The following KCNQ3 variants were observed in gnomAD, a reference collection of about 807,000 sequenced individuals.
KCNQ3 encodes potassium voltage-gated channel subfamily Q member 3.
In KCNQ3, 30 loss-of-function variants were observed where a neutral mutation model predicts 92.5. The ratio of observed to expected loss-of-function variants is 0.32; its 90% CI spans 0.24 to 0.44. KCNQ3 has a LOEUF of 0.44. KCNQ3 is among the 20% of genes least tolerant of loss of function. KCNQ3 has a pLI of 1.00. For synonymous variants in KCNQ3, 450 were observed against 468.8 expected, an observed-to-expected ratio of 0.96 and a Z score of 0.52; for missense variants, 913 against 1,140.3, an observed-to-expected ratio of 0.80 and a Z score of 2.87.
chr8:132,341,158 T>C (rs141991707), intron 1 of KCNQ3, among the ~76,000 whole-genome samples: 3,619 of 152,302 alleles, frequency 0.024, 57 homozygotes, highest in African/African-American at 0.039. Context: ...CAGAAAACTA[T>C]GCCAGCCAGA....
intron 3 of KCNQ3, among the ~76,000 whole-genome samples, chr8:132,184,033 A>C (rs1264250967): frequency 6.6e-6 from 1 of 152,184 alleles, no homozygotes; most frequent in Non-Finnish European, 1.5e-5. Flanking sequence ...TGTCCTGTGC[A>C]GTCCTTATAA....
rs115774728 is a variant in KCNQ3, at chr8:132,386,975, T to C, written c.386+93172A>G. 3.5e-3 allele frequency among the ~76,000 whole-genome samples: 539 copies of C among 152,310 alleles called. 2 individuals carry two copies. The highest frequency in any genetic ancestry group is 0.012 in the African/African-American group (514 of 41,588). On this transcript the variant is annotated intron_variant, in intron 1 of 14. Transcript: ENST00000388996. Reference sequence around the variant, plus strand: ...AAAATGTTTGTGGTGATGGATATGCTAGTTACTCTGATTTGATCATTACAG... The same window carrying C: ...AAAATGTTTGTGGTGATGGATATGCCAGTTACTCTGATTTGATCATTACAG...
chr8:132,450,191 TC>T (rs1821789125), intron 1 of KCNQ3, among the ~76,000 whole-genome samples: 1 of 152,154 alleles, frequency 6.6e-6, no homozygotes, highest in African/African-American at 2.4e-5. Context: ...CAGCTTTTAT[TC>T]CCTTATTTGT....
At position 132,334,339 on chromosome 8, in the gene KCNQ3, G is replaced by A. The variant is rs139699135; in HGVS notation, c.386+145808C>T. Among the ~76,000 whole-genome samples, 983 of 152,024 alleles carry A rather than the reference G, an allele frequency of 6.5e-3. 2 individuals are homozygous for A. Among genetic ancestry groups the A allele is most frequent in the Non-Finnish European group, 0.011 (758 of 67,970 alleles). On this transcript the variant is annotated intron_variant, in intron 1 of 14. Coordinates refer to ENST00000388996, the MANE Select transcript of KCNQ3 (RefSeq NM_004519.4). ...AATACAAAAATTAGCCAGGTGTGGT[G>A]GCATACACCTGTAATCCCAGCTACT...
chr8:132,282,448 A>G (rs1261299560), intron 1 of KCNQ3, among the ~76,000 whole-genome samples: 2 of 151,988 alleles, frequency 1.3e-5, no homozygotes, highest in African/African-American at 4.8e-5. Flanking sequence ...GTTTTGGGAG[A>G]CTGAACACAA....
At chr8:132,291,229 C>G (rs1337958432) in intron 1 of KCNQ3, among the ~76,000 whole-genome samples, 1 of 152,176 alleles carries the variant, frequency 6.6e-6, no homozygotes, top group African/African-American at 2.4e-5. Flanking sequence ...AGTGGCTGAA[C>G]AATAAATGTT....
intron 1 of KCNQ3, among the ~76,000 whole-genome samples, chr8:132,328,353 G>A: frequency 6.6e-6 from 1 of 152,128 alleles, no homozygotes. Context: ...CAAATCGACT[G>A]AGGCTATATA....
At chr8:132,353,625 C>A (rs1324958015) in intron 1 of KCNQ3, among the ~76,000 whole-genome samples, 1 of 152,070 alleles carries the variant, frequency 6.6e-6, no homozygotes, top group African/African-American at 2.4e-5. Context: ...ACCAGCCTGG[C>A]CAACATAGTG....
At chr8:132,443,939 A>G (rs909858819) in intron 1 of KCNQ3, among the ~76,000 whole-genome samples, 2 of 152,164 alleles carry the variant, frequency 1.3e-5, no homozygotes, top group Non-Finnish European at 2.9e-5. Flanking sequence ...ATAAATAATA[A>G]GTGATTTAAT....
chr8:132,364,624 G>C (rs1208907530), intron 1 of KCNQ3, among the ~76,000 whole-genome samples: 1 of 152,110 alleles, frequency 6.6e-6, no homozygotes, highest in Non-Finnish European at 1.5e-5. Context: ...CTAACATATA[G>C]TAGGCAATTT....
In KCNQ3 at chr8:132,129,591, C is replaced by T. The variant is rs1165980000; in HGVS notation, c.2290G>A (p.Ala764Thr). ...TCCGAGTAGGGGCCCTGCAGGTCAG[C>T]CTGGGAGTGGCAGCTCACTCGGGAG... ...LDSRVSCHSQ[A>T]DLQGPYSDRI... The change falls in exon 15 of 15, where the codon GCT becomes ACT. Residue 764 changes from alanine to threonine, a missense_variant. Physicochemically the swap from Ala to Thr is moderately conservative, Grantham distance 58. This residue lies in a region of KCNQ3 where 375 missense variants were observed against 376.4 expected (regional missense o/e 1.00). Coordinates refer to ENST00000388996, the MANE Select transcript of KCNQ3 (RefSeq NM_004519.4). This position sits in a 1 kb window ranked among gnomAD's most constrained non-coding sequence, Gnocchi z 5.9. The T allele has an allele frequency of 4.3e-6, 7 of 1,614,182 alleles. No individual in the cohort carries two copies. In the South Asian group the frequency reaches 6.6e-5, roughly 15 times the overall value.
intron 1 of KCNQ3, among the ~76,000 whole-genome samples, chr8:132,424,732 C>G (rs930525968): frequency 6.6e-6 from 1 of 152,198 alleles, no homozygotes; most frequent in Non-Finnish European, 1.5e-5. Flanking sequence ...TAGAGGAGAG[C>G]CCTTTCTTGC....
chr8:132,338,569 T>G (rs912767294), intron 1 of KCNQ3, among the ~76,000 whole-genome samples: 7 of 152,150 alleles, frequency 4.6e-5, no homozygotes, highest in Non-Finnish European at 7.3e-5. Flanking sequence ...TGATCATGGC[T>G]CTTTGGAAGC....
At chr8:132,269,644 T>G (rs1199030431) in intron 1 of KCNQ3, among the ~76,000 whole-genome samples, 1 of 152,180 alleles carries the variant, frequency 6.6e-6, no homozygotes, top group Non-Finnish European at 1.5e-5. Flanking sequence ...CCAATTAGAC[T>G]TCATATCAGA....
chr8:132,418,980 C>T (rs1393890966), intron 1 of KCNQ3, among the ~76,000 whole-genome samples: 2 of 152,072 alleles, frequency 1.3e-5, no homozygotes, highest in East Asian at 3.9e-4. Flanking sequence ...TCAGTTTTCT[C>T]ATCTGTAAAA....
At chr8:132,437,114 C>T (rs920011815) in intron 1 of KCNQ3, among the ~76,000 whole-genome samples, 2 of 151,504 alleles carry the variant, frequency 1.3e-5, no homozygotes, top group Non-Finnish European at 2.9e-5. Context: ...CCCGTCTCTA[C>T]TAAAAATACA....
At chr8:132,218,199 G>A (rs961822480) in intron 1 of KCNQ3, among the ~76,000 whole-genome samples, 4 of 152,174 alleles carry the variant, frequency 2.6e-5, no homozygotes, top group Non-Finnish European at 5.9e-5. Context: ...GCAACCCACA[G>A]GGGAGGACAT....
intron 1 of KCNQ3, among the ~76,000 whole-genome samples, chr8:132,418,186 A>C (rs1037462085): frequency 6.6e-6 from 1 of 152,298 alleles, no homozygotes; most frequent in African/African-American, 2.4e-5. Context: ...GAAAACAAGG[A>C]GGAAACAATT....
chr8:132,391,557 G>A (rs1243452426), intron 1 of KCNQ3, among the ~76,000 whole-genome samples: 1 of 152,184 alleles, frequency 6.6e-6, no homozygotes, highest in East Asian at 1.9e-4. Context: ...AGCCTGTTGA[G>A]CTGAAACAAA....
Sources: allele counts gnomAD v4.1 joint callset (sites outside exome capture counted in the v4.1 genomes callset), GRCh38; gene constraint gnomAD v4.1.1; regional missense constraint gnomAD v4.1.1; non-coding constraint Gnocchi (gnomAD v3.1); transcripts MANE v1.5; gene names NCBI Gene and HGNC (gene_info 2026-07-23, HGNC 2026-07-21).